PLOD1: variants seen among roughly 807,000 people sequenced by gnomAD.
The protein encoded by PLOD1 is lysine hydroxylase.
Under a neutral mutation model 94.7 loss-of-function variants are expected in PLOD1, and 70 were observed. The observed-to-expected ratio is 0.74, with a 90% CI of 0.61 to 0.90. PLOD1 has a LOEUF of 0.90. Ranked by LOEUF, PLOD1 falls within the 40% of genes least tolerant of loss-of-function variation. The pLI, the probability that PLOD1 is intolerant of heterozygous loss-of-function variation, is 0.00. For missense variants in PLOD1, 905 were observed against 972.7 expected (o/e 0.93, Z 0.93); for synonymous variants, 417 against 400.2 (o/e 1.04, Z -0.50).
At chr1:11,938,585 G>A (rs1384357715) in intron 1 of PLOD1, among the ~76,000 whole-genome samples, 1 of 152,140 alleles carries the variant, frequency 6.6e-6, no homozygotes, top group Non-Finnish European at 1.5e-5. Flanking sequence ...TTGGTGGGGG[G>A]TACCCCAGCA....
chr1:11,973,058 G>A, intron 18 of PLOD1, 61 bp downstream of exon 18: 1 of 1,605,482 alleles, frequency 6.2e-7, no homozygotes, highest in Non-Finnish European at 8.5e-7. Flanking sequence ...GCTAGCTGAG[G>A]AGAGGCTTCA....
In PLOD1 at chr1:11,974,616, C is replaced by T. The variant is rs367704154; in HGVS notation, c.2029-37C>T. ...ACGGGAGAACAGACGGGCAGGGGGG[C>T]GGTGGGGAAAGGCCACTGATGCTTT... On this transcript the variant is annotated intron_variant, in intron 18 of 18. Coordinates refer to ENST00000196061, the MANE Select transcript of PLOD1 (RefSeq NM_000302.4). The T allele has an allele frequency of 1.4e-4, 230 of 1,592,800 alleles. 1 individual carries two copies. Among genetic ancestry groups the T allele is most frequent in the South Asian group, 6.9e-4 (62 of 90,080 alleles).
chr1:11,945,207 G>T (rs914857658), intron 1 of PLOD1, among the ~76,000 whole-genome samples: 1 of 152,138 alleles, frequency 6.6e-6, no homozygotes, highest in African/African-American at 2.4e-5. Context: ...ATTGGTTGAG[G>T]CTGGGAGTTC....
At position 11,972,920 on chromosome 1, in the gene PLOD1, C is replaced by T. The variant is rs1296817111; in HGVS notation, c.1951C>T (p.Pro651Ser). The change falls in exon 18 of 19, where the codon CCC becomes TCC. Residue 651 changes from proline to serine, a missense_variant. Physicochemically the swap from Pro to Ser is moderately conservative, Grantham distance 74. Coordinates refer to ENST00000196061, the MANE Select transcript of PLOD1 (RefSeq NM_000302.4). This position sits in a 1 kb window ranked among gnomAD's most constrained non-coding sequence, Gnocchi z 4.6. The part of the protein sequence containing the change: ...FVVRYKPDEQ[P>S]SLMPHHDAST... ...CGTCCGCTACAAGCCTGATGAGCAG[C>T]CCTCACTGATGCCACACCATGATGC... 1 of 1,613,924 alleles carries T rather than the reference C, an allele frequency of 6.2e-7. No individual in the cohort carries two copies. The highest frequency in any genetic ancestry group is 8.5e-7 in the Non-Finnish European group (1 of 1,179,932).
intron 5 of PLOD1, among the ~76,000 whole-genome samples, chr1:11,954,051 A>G (rs1277709937): frequency 6.6e-6 from 1 of 151,016 alleles, no homozygotes; most frequent in Non-Finnish European, 1.5e-5. Flanking sequence ...TTTTTTATAG[A>G]GATGAAGTTT....
chr1:11,960,367 G>T (rs770795542), intron 9 of PLOD1, among the ~76,000 whole-genome samples: 3 of 152,216 alleles, frequency 2.0e-5, no homozygotes, highest in Non-Finnish European at 2.9e-5. Flanking sequence ...AATGTCTCTG[G>T]ATGTGGGATC....
chr1:11,966,184 C>T lies in PLOD1; in HGVS notation c.1585-67C>T, dbSNP rs1645816009. 65 of 1,186,542 alleles carry T rather than the reference C, an allele frequency of 5.5e-5. 1 individual carries two copies. In the South Asian group the frequency reaches 8.3e-4, roughly 15 times the overall value. 73.5% of individuals were successfully genotyped at this position (1,186,542 alleles called of 1,614,324 possible). ...CACCTTCACTCCCACTTTGAGGGGT[C>T]TGCTCTGAGCATCCCTGGCAGTTGA... On this transcript the variant is annotated intron_variant, in intron 14 of 18. Transcript: ENST00000196061.
chr1:11,967,028 G>A lies in PLOD1; in HGVS notation c.1692G>A (p.Val564=), dbSNP rs768803999. The A allele has an allele frequency of 4.3e-6, 7 of 1,613,938 alleles. No homozygotes were observed. In the African/African-American group the frequency reaches 9.3e-5, roughly 22 times the overall value. Residue 564 remains valine, a synonymous_variant, in exon 16 of 19, where the codon GTG becomes GTA. Coordinates refer to ENST00000196061, the MANE Select transcript of PLOD1 (RefSeq NM_000302.4). ...DVYWFPIFTE[V]ACDELVEEME... ...ATTGGTTCCCCATCTTCACGGAGGT[G>A]GCCTGTGATGAGCTGGTGGAGGAGA... is the stretch of plus-strand genomic sequence containing the variant.
At chr1:11,970,535 T>C (rs1299627523) in intron 16 of PLOD1, 135 bp from the exon 17 acceptor site, 1 of 821,076 alleles carries the variant, frequency 1.2e-6, no homozygotes, top group African/African-American at 1.7e-5. Flanking sequence ...GGAGCCTTAA[T>C]TGTATCTGCA....
At chr1:11,964,038 C>T in intron 11 of PLOD1, 137 bp from the exon 12 acceptor site, 1 of 919,306 alleles carries the variant, frequency 1.1e-6, no homozygotes, top group Non-Finnish European at 1.8e-6. Context: ...CCGGCCAAGG[C>T]ACTGCCTGTC....
At chr1:11,960,879 G>A (rs1379747039) in intron 10 of PLOD1, 112 bp downstream of exon 10, 2 of 1,485,902 alleles carry the variant, frequency 1.3e-6, no homozygotes, top group African/African-American at 1.4e-5. Flanking sequence ...GTGTGCTCTA[G>A]CAAGTTCCTG....
chr1:11,950,551 C>T, intron 4 of PLOD1, 31 bp downstream of exon 4: 3 of 1,608,286 alleles, frequency 1.9e-6, no homozygotes, highest in Non-Finnish European at 2.6e-6. Context: ...GCGCTTGGCC[C>T]AGCAGAGGGG....
At chr1:11,966,065 G>A (rs1287050311) in intron 14 of PLOD1, among the ~76,000 whole-genome samples, 186 bp from the exon 15 acceptor site, 4 of 152,034 alleles carry the variant, frequency 2.6e-5, no homozygotes, top group African/African-American at 9.7e-5. Context: ...ACATACATGT[G>A]CAAACACCAC....
chr1:11,964,651 TG>T lies in PLOD1; in HGVS notation c.1338del (p.Trp446Ter), dbSNP rs752741064. 1.2e-6 allele frequency: 2 copies of T among 1,612,976 alleles called. No individual in the cohort carries two copies. The highest frequency in any genetic ancestry group is 1.7e-6 in the Non-Finnish European group (2 of 1,179,970). On this transcript the variant is annotated frameshift_variant, in exon 13 of 19. Transcript: ENST00000196061. LOFTEE classifies it high-confidence loss of function. ...DIVQGRRVGV[W>X]NVPYISNIYL... is the part of the protein sequence containing the mutation. Reference sequence around the variant, plus strand: ...TTTCTGTCTCTCCCACAGTGGTGTCTGGAATGTGCCCTATATTTCAAACATC... The same window carrying T: ...TTTCTGTCTCTCCCACAGTGGTGTCTGAATGTGCCCTATATTTCAAACATC...
intron 2 of PLOD1, among the ~76,000 whole-genome samples, chr1:11,948,876 A>C (rs1032554660): frequency 1.3e-5 from 2 of 152,226 alleles, no homozygotes; most frequent in Non-Finnish European, 2.9e-5. Flanking sequence ...TATGTCAGGC[A>C]CAAGGTTGGG....
chr1:11,945,795 A>G (rs1283035096), intron 1 of PLOD1, among the ~76,000 whole-genome samples: 3 of 151,998 alleles, frequency 2.0e-5, no homozygotes, highest in Admixed American at 2.0e-4. Context: ...TGCAACCTCT[A>G]CCTTCTGGGT....
intron 16 of PLOD1, among the ~76,000 whole-genome samples, chr1:11,967,980 G>A (rs1044955027): frequency 2.7e-5 from 4 of 148,054 alleles, no homozygotes; most frequent in African/African-American, 7.5e-5. Flanking sequence ...TTAAGGCAGT[G>A]TCTCGTTCTG....
At chr1:11,961,611 A>AT (rs913792790) in intron 10 of PLOD1, among the ~76,000 whole-genome samples, 2 of 151,094 alleles carry the variant, frequency 1.3e-5, no homozygotes, top group African/African-American at 2.4e-5. Flanking sequence ...CATGTCATTT[A>AT]TTTTTTTTTC....
chr1:11,971,190 G>T (rs1363667914), intron 17 of PLOD1, among the ~76,000 whole-genome samples: 1 of 110,044 alleles, frequency 9.1e-6, no homozygotes, highest in East Asian at 2.8e-4. Context: ...GCCAGTGTGG[G>T]GCAGGGGGAT....
Sources: gnomAD v4.1 joint callset for allele counts (sites outside exome capture counted in the v4.1 genomes callset) on GRCh38, gnomAD v4.1.1 for gene constraint, Gnocchi (gnomAD v3.1) non-coding constraint, MANE v1.5 for transcripts, NCBI Gene and HGNC (gene_info 2026-07-23, HGNC 2026-07-21) for gene names.